TTC8: variants seen among roughly 807,000 people sequenced by gnomAD.
The protein encoded by TTC8 is tetratricopeptide repeat protein 8.
A neutral mutation model predicts 72.5 loss-of-function variants in TTC8; 47 were observed. That is an observed-to-expected ratio of 0.65 (90% confidence interval 0.51 to 0.83). The LOEUF is 0.83. Among genes scored for constraint, TTC8 ranks in the 40% least tolerant of loss-of-function variants. The pLI, the probability that TTC8 is intolerant of heterozygous loss-of-function variation, is 0.00. For synonymous variants in TTC8, 199 were observed against 221.4 expected (o/e 0.90, Z 0.90); for missense variants, 611 against 623.2 (o/e 0.98, Z 0.21).
intron 9 of TTC8, among the ~76,000 whole-genome samples, chr14:88,858,584 A>T (rs2094868089): frequency 6.6e-6 from 1 of 151,682 alleles, no homozygotes; most frequent in Admixed American, 6.6e-5. Context: ...TATGTGATAT[A>T]TTCAACTTAA....
At chr14:88,843,662 T>C (rs1425097688) in intron 6 of TTC8, 144 bp from the exon 7 acceptor site, 13 of 578,474 alleles carry the variant, frequency 2.2e-5, no homozygotes, top group East Asian at 1.2e-4. Flanking sequence ...GAATCAGTTA[T>C]AAATAGTAAT....
intron 7 of TTC8, among the ~76,000 whole-genome samples, chr14:88,844,170 T>G (rs138969123): frequency 1.3e-5 from 2 of 152,346 alleles, no homozygotes; most frequent in African/African-American, 4.8e-5. Flanking sequence ...GTTTATTTCC[T>G]TAGTCCATAT....
intron 2 of TTC8, among the ~76,000 whole-genome samples, chr14:88,834,971 G>A (rs1195787563): frequency 6.6e-6 from 1 of 152,154 alleles, no homozygotes; most frequent in East Asian, 1.9e-4. Context: ...AGGGAACAAG[G>A]CTGACTAGAT....
At chr14:88,854,401 A>G (rs2094847061) in intron 8 of TTC8, among the ~76,000 whole-genome samples, 2 of 152,208 alleles carry the variant, frequency 1.3e-5, no homozygotes, top group African/African-American at 4.8e-5. Context: ...TCAGTAAAAT[A>G]TTTAATGGGC....
rs896940763 is a variant in TTC8 at position 88,877,389 on chromosome 14, G to A, written c.1527G>A (p.Arg509=). The change falls in exon 15 of 15, where the codon AGG becomes AGA. Residue 509 remains arginine (R), a synonymous_variant. Transcript: ENST00000380656. ...VDTQHLIKQL[R]QHFAML is the part of the protein sequence containing the mutation. ...CACAACATTTAATTAAACAATTAAG[G>A]CAGCATTTTGCTATGCTCTGATTGT... 1.9e-6 allele frequency: 3 copies of A among 1,613,118 alleles called. No individual in the cohort carries two copies. The highest frequency in any genetic ancestry group is 2.7e-5 in the African/African-American group (2 of 74,876).
chr14:88,827,986 T>C (rs74759185), intron 1 of TTC8, among the ~76,000 whole-genome samples: 2 of 152,182 alleles, frequency 1.3e-5, no homozygotes, highest in Non-Finnish European at 2.9e-5. Flanking sequence ...GCGTCGATCA[T>C]GTTCATGTGT....
Position 88,840,911 on chromosome 14 carries a change from G to A in TTC8, c.312G>A (p.Gly104=), listed in dbSNP as rs1168943108. Residue 104 remains glycine, a synonymous_variant, in exon 4 of 15, where the codon GGG becomes GGA. Coordinates refer to ENST00000380656, the MANE Select transcript of TTC8 (RefSeq NM_144596.4). ...LKLPGTNQTG[G]PSQAVRPITQ... is the part of the protein sequence containing the mutation. ...TCCCTGGAACTAATCAGACAGGAGGGCCTAGCCAGGCCGTTAGGTATGTAC... is the reference window on the plus strand; with the variant it reads ...TCCCTGGAACTAATCAGACAGGAGGACCTAGCCAGGCCGTTAGGTATGTAC... The A allele has an allele frequency of 6.2e-7, 1 of 1,614,078 alleles. No individual in the cohort carries two copies. The highest frequency in any genetic ancestry group is 1.1e-5 in the South Asian group (1 of 91,086).
rs10659725 is a variant in TTC8 at position 88,871,476 on chromosome 14, AAT to A, written c.1050-60_1050-59del. On this transcript the variant is annotated intron_variant, in intron 11 of 14. Transcript: ENST00000380656. The surrounding 1 kb of genome is among the most constrained non-coding windows in gnomAD (Gnocchi z 4.1). Reference sequence around the variant, plus strand: ...GATGAATTCATTTTTAACTGTGTAAAATATATATATATATGTCTTAAAACTTA... The same window carrying A: ...GATGAATTCATTTTTAACTGTGTAAAATATATATATATGTCTTAAAACTTA... The A allele has an allele frequency of 2.9e-3, 3,579 of 1,238,492 alleles. No homozygotes were observed. Among genetic ancestry groups the A allele is most frequent in the Non-Finnish European group, 3.5e-3 (3,116 of 881,310 alleles). The allele number at this position is 1,238,492 out of a possible 1,614,324, so 76.7% of individuals were successfully genotyped here.
At chr14:88,856,127 A>G (rs946192805) in intron 8 of TTC8, among the ~76,000 whole-genome samples, 3 of 152,170 alleles carry the variant, frequency 2.0e-5, no homozygotes, top group African/African-American at 4.8e-5. Context: ...GTGTACATAT[A>G]TATGTTGGTT....
chr14:88,834,742 T>G (rs1324720475), intron 2 of TTC8, among the ~76,000 whole-genome samples: 1 of 152,100 alleles, frequency 6.6e-6, no homozygotes, highest in Non-Finnish European at 1.5e-5. Context: ...TCAAGAAGGA[T>G]CAAAGTTATA....
intron 1 of TTC8, among the ~76,000 whole-genome samples, chr14:88,825,533 A>C (rs1007159761): frequency 6.6e-6 from 1 of 152,232 alleles, no homozygotes; most frequent in Admixed American, 6.5e-5. Context: ...AAGGTAGTAT[A>C]CAATGTACGT....
intron 2 of TTC8, among the ~76,000 whole-genome samples, chr14:88,835,074 C>G (rs2094744372): frequency 2.0e-5 from 3 of 152,128 alleles, no homozygotes; most frequent in African/African-American, 7.2e-5. Flanking sequence ...AATAACAATT[C>G]AGTATCTTGT....
chr14:88,843,604 A>G (rs2094792339), intron 6 of TTC8, among the ~76,000 whole-genome samples: 1 of 152,148 alleles, frequency 6.6e-6, no homozygotes, highest in Non-Finnish European at 1.5e-5. Context: ...ATAATACGAA[A>G]AAAAGTTTAA....
At chr14:88,842,017 T>C (rs1305526019) in intron 6 of TTC8, among the ~76,000 whole-genome samples, 1 of 151,886 alleles carries the variant, frequency 6.6e-6, no homozygotes, top group African/African-American at 2.4e-5. Flanking sequence ...TACTCAAAGA[T>C]TAAATGCTCC....
rs539703799 is a variant in TTC8 at position 88,872,275 on chromosome 14, A to G, written c.1225-55A>G. ...GCAGAAGAGATACCTATGAGGAAAG[A>G]AGGGAGGAGGAAGTAAACGGACCCA... On this transcript the variant is annotated intron_variant, in intron 12 of 14. Coordinates refer to ENST00000380656, the MANE Select transcript of TTC8 (RefSeq NM_144596.4). 2.8e-3 allele frequency: 4,487 copies of G among 1,610,154 alleles called. 105 individuals carry two copies. The South Asian group carries it at 0.038, about 14-fold the overall frequency.
At chr14:88,845,678 C>T (rs2140985916) in intron 7 of TTC8, among the ~76,000 whole-genome samples, 1 of 152,288 alleles carries the variant, frequency 6.6e-6, no homozygotes, top group East Asian at 1.9e-4. Flanking sequence ...TATTCCATTT[C>T]ATAAATTAGT....
At chr14:88,857,484 T>C (rs2094862157) in intron 9 of TTC8, among the ~76,000 whole-genome samples, 1 of 152,014 alleles carries the variant, frequency 6.6e-6, no homozygotes, top group Non-Finnish European at 1.5e-5. Flanking sequence ...CCATGAAAAA[T>C]AAGAAGACCC....
In TTC8 at chr14:88,871,192, G is replaced by A. The variant is rs2141035734; in HGVS notation, c.1050-357G>A. On this transcript the variant is annotated intron_variant, in intron 11 of 14. Transcript: ENST00000380656. This position sits in a 1 kb window ranked among gnomAD's most constrained non-coding sequence, Gnocchi z 4.1. Reference sequence around the variant, plus strand: ...AAACGCAGTCCTCAAATTAGATTAGGTTTTAGGAATTTACCCTATGGGCAG... The same window carrying A: ...AAACGCAGTCCTCAAATTAGATTAGATTTTAGGAATTTACCCTATGGGCAG... Among the ~76,000 whole-genome samples the A allele has an allele frequency of 6.6e-6, 1 of 152,280 alleles. No individual in the cohort carries two copies. The highest frequency in any genetic ancestry group is 6.5e-5 in the Admixed American group (1 of 15,296).
intron 1 of TTC8, among the ~76,000 whole-genome samples, chr14:88,829,629 A>G (rs1226898394): frequency 1.3e-5 from 2 of 152,230 alleles, no homozygotes; most frequent in Non-Finnish European, 2.9e-5. Context: ...GGTGGGACCC[A>G]TTAGCTGTGT....
Sources: allele counts gnomAD v4.1 joint callset (sites outside exome capture counted in the v4.1 genomes callset), GRCh38; gene constraint gnomAD v4.1.1; non-coding constraint Gnocchi (gnomAD v3.1); transcripts MANE v1.5; gene names NCBI Gene and HGNC (gene_info 2026-07-23, HGNC 2026-07-21).